SLC15A5: variants seen among roughly 807,000 people sequenced by gnomAD.
SLC15A5 encodes solute carrier family 15 member 5, also known as Peptide/histidine transporter ENSP00000340402.
SLC15A5 carries 58 observed loss-of-function variants against 56.1 expected under a neutral mutation model. The observed-to-expected ratio is 1.03, with a 90% CI of 0.84 to 1.29. The LOEUF (loss-of-function observed/expected upper bound fraction) is 1.29, where lower values mean the gene tolerates loss of function less well. Ranked by LOEUF, SLC15A5 falls within the 50% of genes most tolerant of loss-of-function variation. The probability of loss-of-function intolerance (pLI) is 0.00; values close to 1 mark genes in which losing one functional copy is unlikely to be tolerated. For synonymous variants in SLC15A5, 264 were observed against 250.5 expected, an observed-to-expected ratio of 1.05 and a Z score of -0.51; for missense variants, 681 against 672.1, an observed-to-expected ratio of 1.01 and a Z score of -0.15.
intron 3 of SLC15A5, among the ~76,000 whole-genome samples, chr12:16,250,637 A>G (rs1864510596): frequency 6.6e-6 from 1 of 151,808 alleles, no homozygotes; most frequent in African/African-American, 2.4e-5. Flanking sequence ...TGAAAAACAT[A>G]GACTTTTTAA....
rs182744693 is a variant in SLC15A5, at chr12:16,233,464, C to G, written c.1162+6217G>C. On this transcript the variant is annotated intron_variant, in intron 5 of 8. Coordinates refer to ENST00000344941, the MANE Select transcript of SLC15A5 (RefSeq NM_001170798.1). ...AGAGTTTAAAGGTGTTTTCTATTAT[C>G]AAATCAGTTGCAAATGTTCATCTGT... Among the ~76,000 whole-genome samples, 517 of 152,264 alleles carry G rather than the reference C, an allele frequency of 3.4e-3. 5 individuals are homozygous for G. The highest frequency in any genetic ancestry group is 0.011 in the African/African-American group (467 of 41,568).
Position 16,277,370 on chromosome 12 carries a change from C to G in SLC15A5, c.316G>C (p.Gly106Arg), listed in dbSNP as rs1434830506. 1 of 1,535,608 alleles carries G rather than the reference C, an allele frequency of 6.5e-7. No individual in the cohort carries two copies. Among genetic ancestry groups the G allele is most frequent in the Non-Finnish European group, 8.7e-7 (1 of 1,146,024 alleles). ...CAAATGTACACCAGTTTGTTTCTTC[C>G]TAAATAGACATCAGTGAGCCATCTG... The part of the protein sequence containing the change: ...FVRWLTDVYL[G>R]RNKLVYICLF... Residue 106 changes from glycine to arginine, a missense_variant, in exon 1 of 9, where the codon GGA becomes CGA. Physicochemically the swap from Gly to Arg is moderately radical, Grantham distance 125. Transcript: ENST00000344941.
At chr12:16,246,016 G>A (rs895539341) in intron 3 of SLC15A5, among the ~76,000 whole-genome samples, 2 of 152,136 alleles carry the variant, frequency 1.3e-5, no homozygotes, top group Admixed American at 6.5e-5. Flanking sequence ...CTGGGGGCCT[G>A]GTAATTGAAT....
At chr12:16,192,878 T>G (rs1327372059) in intron 8 of SLC15A5, among the ~76,000 whole-genome samples, 1 of 152,122 alleles carries the variant, frequency 6.6e-6, no homozygotes, top group African/African-American at 2.4e-5. Flanking sequence ...ACAGTTACTA[T>G]TTTTATCATT....
At chr12:16,231,989 C>T (rs1488529345) in intron 5 of SLC15A5, among the ~76,000 whole-genome samples, 1 of 152,130 alleles carries the variant, frequency 6.6e-6, no homozygotes, top group Non-Finnish European at 1.5e-5. Context: ...TACAGAGAAA[C>T]CCCATAAGTC....
At chr12:16,210,114 C>A (rs1864064234) in intron 7 of SLC15A5, among the ~76,000 whole-genome samples, 1 of 152,122 alleles carries the variant, frequency 6.6e-6, no homozygotes, top group Admixed American at 6.5e-5. Context: ...CCTATCAATT[C>A]TTTATTTGTG....
chr12:16,226,965 T>A (rs1360523304), intron 5 of SLC15A5, among the ~76,000 whole-genome samples: 6 of 152,164 alleles, frequency 3.9e-5, no homozygotes, highest in Admixed American at 3.9e-4. Flanking sequence ...TTCAGAAAAA[T>A]CAATCTAATG....
chr12:16,209,635 C>T (rs1468121116), intron 7 of SLC15A5, among the ~76,000 whole-genome samples: 1 of 152,096 alleles, frequency 6.6e-6, no homozygotes, highest in Non-Finnish European at 1.5e-5. Flanking sequence ...GGAATCTTTG[C>T]CCACCCAGTA....
chr12:16,215,325 A>G (rs1864121892), intron 7 of SLC15A5, among the ~76,000 whole-genome samples: 1 of 151,948 alleles, frequency 6.6e-6, no homozygotes, highest in South Asian at 2.1e-4. Flanking sequence ...ATTTAGATTT[A>G]CATAAAAGAT....
chr12:16,229,574 C>G (rs1336955532), intron 5 of SLC15A5, among the ~76,000 whole-genome samples: 1 of 150,588 alleles, frequency 6.6e-6, no homozygotes, highest in Non-Finnish European at 1.5e-5. Context: ...AGAATTGGAT[C>G]TAAGTTTGTT....
intron 2 of SLC15A5, among the ~76,000 whole-genome samples, chr12:16,262,459 G>C (rs1260499385): frequency 2.6e-5 from 4 of 152,044 alleles, no homozygotes; most frequent in Admixed American, 2.6e-4. Flanking sequence ...CTACTCTCTG[G>C]AATTTTAAAA....
At chr12:16,211,400 A>G (rs1864079069) in intron 7 of SLC15A5, among the ~76,000 whole-genome samples, 1 of 152,196 alleles carries the variant, frequency 6.6e-6, no homozygotes, top group African/African-American at 2.4e-5. Context: ...TGGAAATTAA[A>G]CAGCTACATT....
At chr12:16,252,652 G>A (rs899017914) in intron 3 of SLC15A5, among the ~76,000 whole-genome samples, 1 of 151,952 alleles carries the variant, frequency 6.6e-6, no homozygotes, top group Non-Finnish European at 1.5e-5. Context: ...AAAAATTGAA[G>A]AATATACAAA....
chr12:16,233,867 T>C (rs1864322843), intron 5 of SLC15A5, among the ~76,000 whole-genome samples: 1 of 152,148 alleles, frequency 6.6e-6, no homozygotes, highest in East Asian at 1.9e-4. Flanking sequence ...CAAATTAAAC[T>C]ATGAGAAGCA....
chr12:16,212,994 G>C (rs1864097947), intron 7 of SLC15A5, among the ~76,000 whole-genome samples: 1 of 152,132 alleles, frequency 6.6e-6, no homozygotes, highest in Non-Finnish European at 1.5e-5. Context: ...GGATGCAACT[G>C]TGAGAAAGTC....
At chr12:16,194,584 C>A in intron 7 of SLC15A5, 131 bp from the exon 8 acceptor site, 1 of 550,232 alleles carries the variant, frequency 1.8e-6, no homozygotes, top group South Asian at 3.3e-5. Context: ...TCATCTGAAA[C>A]TTGATTGTCA....
intron 7 of SLC15A5, among the ~76,000 whole-genome samples, chr12:16,207,280 A>G (rs1486131347): frequency 1.3e-5 from 2 of 152,208 alleles, no homozygotes; most frequent in Non-Finnish European, 2.9e-5. Context: ...TTGAATTTAA[A>G]TAATTACATG....
At chr12:16,266,495 A>G (rs1358861740) in intron 2 of SLC15A5, among the ~76,000 whole-genome samples, 1 of 152,220 alleles carries the variant, frequency 6.6e-6, no homozygotes, top group Non-Finnish European at 1.5e-5. Flanking sequence ...GAGATTTTAC[A>G]TGAAGTACTA....
Position 16,268,332 on chromosome 12 carries a change from G to A in SLC15A5, c.584+4229C>T, listed in dbSNP as rs1258594768. On this transcript the variant is annotated intron_variant, in intron 2 of 8. Coordinates refer to ENST00000344941, the MANE Select transcript of SLC15A5 (RefSeq NM_001170798.1). ...ACGGAGGTTGCAGTGAGCTCAGATC[G>A]CAAAGGTAAAGAAGGAAGTGCTTGT... Among the ~76,000 whole-genome samples, 3 of 47,772 alleles carry A rather than the reference G, an allele frequency of 6.3e-5. 1 individual carries two copies. Among genetic ancestry groups the A allele is most frequent in the Admixed American group, 4.0e-4 (2 of 5,014 alleles). 31.3% of individuals were successfully genotyped at this position (47,772 alleles called of 152,430 possible). A position where few individuals can be genotyped will look rare whatever the true frequency, so the allele number is the denominator to read the frequency against.
Sources: gnomAD v4.1 joint callset for allele counts (sites outside exome capture counted in the v4.1 genomes callset) on GRCh38, gnomAD v4.1.1 for gene constraint, MANE v1.5 for transcripts, NCBI Gene and HGNC (gene_info 2026-07-23, HGNC 2026-07-21) for gene names.